Variants in ULK4 observed in about 807,000 individuals in gnomAD.
ULK4 encodes unc-51 like kinase 4.
Under a neutral mutation model 160.6 loss-of-function variants are expected in ULK4, and 133 were observed. The observed-to-expected ratio is 0.83, with a 90% CI of 0.72 to 0.96. The LOEUF (loss-of-function observed/expected upper bound fraction) is 0.96, where lower values mean the gene tolerates loss of function less well. Ranked by LOEUF, ULK4 falls within the 40% of genes least tolerant of loss-of-function variation. The pLI, the probability that ULK4 is intolerant of heterozygous loss-of-function variation, is 0.00. For synonymous variants in ULK4, 534 were observed against 539.8 expected (o/e 0.99, Z 0.15); for missense variants, 1,580 against 1,499.5 (o/e 1.05, Z -0.89).
chr3:41,491,698 TA>T (rs2125907246), intron 32 of ULK4, among the ~76,000 whole-genome samples: 1 of 28,802 alleles, frequency 3.5e-5, no homozygotes, highest in African/African-American at 8.6e-5. Flanking sequence ...AGAATTTTTA[TA>T]TTTTTTTTTA....
At chr3:41,811,967 T>A (rs2040830879) in intron 19 of ULK4, among the ~76,000 whole-genome samples, 2 of 152,176 alleles carry the variant, frequency 1.3e-5, no homozygotes. Flanking sequence ...ACCTGCTTTA[T>A]GAACATGATT....
At chr3:41,799,767 G>A (rs896001509) in intron 20 of ULK4, among the ~76,000 whole-genome samples, 4 of 152,144 alleles carry the variant, frequency 2.6e-5, no homozygotes, top group Non-Finnish European at 4.4e-5. Context: ...GGAGGCTGAC[G>A]CAGTAGAATT....
chr3:41,349,925 G>T (rs1375691609), intron 35 of ULK4, among the ~76,000 whole-genome samples: 1 of 152,100 alleles, frequency 6.6e-6, no homozygotes. Flanking sequence ...TTCTGAAAAA[G>T]AAGATGAAGA....
At chr3:41,809,376 TA>T (rs34440764) in intron 19 of ULK4, among the ~76,000 whole-genome samples, 26,630 of 150,436 alleles carry the variant, frequency 0.18, 6,052 homozygotes, top group African/African-American at 0.53. Context: ...TAAAATATGT[TA>T]AAAAAAAAAT....
intron 31 of ULK4, among the ~76,000 whole-genome samples, chr3:41,592,047 C>G (rs189329247): frequency 1.1e-4 from 16 of 152,280 alleles, no homozygotes; most frequent in African/African-American, 3.8e-4. Flanking sequence ...AGGAATATAT[C>G]AGAAAAGCCG....
intron 17 of ULK4, among the ~76,000 whole-genome samples, chr3:41,878,910 C>T (rs1281891234): frequency 1.0e-5 from 1 of 96,080 alleles, no homozygotes; most frequent in Admixed American, 1.3e-4. Flanking sequence ...GCCATCCCCC[C>T]AAAAAAAAGT....
chr3:41,801,912 G>C (rs1430679289), intron 19 of ULK4, among the ~76,000 whole-genome samples: 1 of 151,104 alleles, frequency 6.6e-6, no homozygotes, highest in African/African-American at 2.4e-5. Context: ...AGAGTAAAAA[G>C]GCATATTCCA....
chr3:41,618,153 A>AT (rs944013000), intron 30 of ULK4, among the ~76,000 whole-genome samples: 3 of 152,298 alleles, frequency 2.0e-5, no homozygotes, highest in African/African-American at 4.8e-5. Flanking sequence ...ATTGACTGGT[A>AT]TACCTGAAAG....
chr3:41,391,409 T>C (rs2081954965), intron 35 of ULK4, among the ~76,000 whole-genome samples: 1 of 152,104 alleles, frequency 6.6e-6, no homozygotes, highest in Non-Finnish European at 1.5e-5. Context: ...CCCCATTCTG[T>C]TTTCCTTTAA....
intron 5 of ULK4, among the ~76,000 whole-genome samples, chr3:41,923,001 G>C (rs188091481): frequency 4.7e-5 from 7 of 147,730 alleles, no homozygotes; most frequent in African/African-American, 1.8e-4. Context: ...GTGAAACCCC[G>C]TCTCTATTAA....
intron 21 of ULK4, among the ~76,000 whole-genome samples, chr3:41,783,811 T>A (rs530751296): frequency 6.6e-6 from 1 of 152,222 alleles, no homozygotes; most frequent in African/African-American, 2.4e-5. Flanking sequence ...TCATCCAATA[T>A]ATTTCTCCCC....
At chr3:41,553,996 C>T (rs937428813) in intron 32 of ULK4, among the ~76,000 whole-genome samples, 1 of 152,126 alleles carries the variant, frequency 6.6e-6, no homozygotes, top group Non-Finnish European at 1.5e-5. Context: ...CACTACCATT[C>T]CCAGCCTCTC....
intron 31 of ULK4, among the ~76,000 whole-genome samples, chr3:41,584,865 C>T (rs960651015): frequency 6.6e-6 from 1 of 152,002 alleles, no homozygotes; most frequent in Non-Finnish European, 1.5e-5. Flanking sequence ...TAGCTAACAA[C>T]CAATCTGAAG....
intron 31 of ULK4, among the ~76,000 whole-genome samples, chr3:41,596,502 G>A (rs767290898): frequency 6.6e-5 from 10 of 152,238 alleles, no homozygotes; most frequent in Non-Finnish European, 1.5e-4. Flanking sequence ...CTAAGAAAGG[G>A]AAGAGAAGAC....
At chr3:41,542,238 T>C (rs2086720887) in intron 32 of ULK4, among the ~76,000 whole-genome samples, 1 of 152,254 alleles carries the variant, frequency 6.6e-6, no homozygotes, top group Non-Finnish European at 1.5e-5. Context: ...GGCTGTTGAA[T>C]CTTCTTGAAG....
At chr3:41,817,806 G>C (rs1166640120) in intron 19 of ULK4, among the ~76,000 whole-genome samples, 1 of 151,784 alleles carries the variant, frequency 6.6e-6, no homozygotes, top group Non-Finnish European at 1.5e-5. Context: ...AATATATAAG[G>C]ACTTCAACTC....
intron 32 of ULK4, among the ~76,000 whole-genome samples, chr3:41,465,098 C>A (rs1440947608): frequency 6.6e-6 from 1 of 152,192 alleles, no homozygotes; most frequent in Non-Finnish European, 1.5e-5. Context: ...TATTTCTTCA[C>A]AACAGTGATA....
intron 21 of ULK4, among the ~76,000 whole-genome samples, chr3:41,775,839 T>C (rs1559545382): frequency 6.6e-6 from 1 of 151,056 alleles, no homozygotes; most frequent in Non-Finnish European, 1.5e-5. Flanking sequence ...TCCATGTTAA[T>C]TCTTTTCAAT....
intron 34 of ULK4, among the ~76,000 whole-genome samples, chr3:41,447,395 C>G (rs919194075): frequency 6.6e-6 from 1 of 152,022 alleles, no homozygotes; most frequent in African/African-American, 2.4e-5. Context: ...CCTCATATCC[C>G]GCCACATAAA....
Sources: allele counts gnomAD v4.1 joint callset (sites outside exome capture counted in the v4.1 genomes callset), GRCh38; gene constraint gnomAD v4.1.1; transcripts MANE v1.5; gene names NCBI Gene and HGNC (gene_info 2026-07-23, HGNC 2026-07-21).